Variants in MCU observed in about 807,000 individuals in gnomAD.
MCU encodes mitochondrial calcium uniporter, also known as calcium uniporter protein, mitochondrial.
Under a neutral mutation model 45.2 loss-of-function variants are expected in MCU, and 12 were observed. The observed-to-expected ratio is 0.27, with a 90% confidence interval of 0.17 to 0.43. MCU has a LOEUF of 0.43. Ranked by LOEUF, MCU falls within the 20% of genes least tolerant of loss-of-function variation. The pLI, the probability that MCU is intolerant of heterozygous loss-of-function variation, is 1.00. For synonymous variants in MCU, 160 were observed against 165.1 expected (o/e 0.97, Z 0.24); for missense variants, 324 against 436.7 (o/e 0.74, Z 2.30).
chr10:72,806,687 G>A (rs1235786245), intron 1 of MCU, among the ~76,000 whole-genome samples: 8 of 152,182 alleles, frequency 5.3e-5, no homozygotes, highest in Admixed American at 3.9e-4. Context: ...GAAGTTCCAA[G>A]AATAAAATAA....
At chr10:72,756,712 C>T (rs1228502792) in intron 1 of MCU, 2 of 152,094 alleles carry the variant, frequency 1.3e-5, no homozygotes, top group Non-Finnish European at 2.9e-5. Flanking sequence ...TAGTGTTTGC[C>T]ATCTATTTTG....
At chr10:72,773,018 C>T (rs543431566) in intron 1 of MCU, among the ~76,000 whole-genome samples, 5 of 152,258 alleles carry the variant, frequency 3.3e-5, no homozygotes, top group African/African-American at 1.2e-4. Flanking sequence ...CTCACCTCAG[C>T]TTCCTTAGTA....
chr10:72,773,216 A>G (rs1322575543), intron 1 of MCU, among the ~76,000 whole-genome samples: 1 of 152,204 alleles, frequency 6.6e-6, no homozygotes, highest in African/African-American at 2.4e-5. Flanking sequence ...AATTTTAAGG[A>G]AACTGAGTGA....
intron 1 of MCU, among the ~76,000 whole-genome samples, chr10:72,820,691 T>C (rs1380592492): frequency 1.3e-5 from 2 of 152,122 alleles, no homozygotes; most frequent in Non-Finnish European, 2.9e-5. Flanking sequence ...TTTGTATTTT[T>C]AGTAGGGACG....
At chr10:72,883,560 A>G (rs1315349590) in intron 6 of MCU, among the ~76,000 whole-genome samples, 1 of 152,180 alleles carries the variant, frequency 6.6e-6, no homozygotes. Context: ...CACTGCTTAC[A>G]TTTGAACACA....
rs1845341269 is a variant in MCU, at chr10:72,859,317, G to A, written c.361G>A (p.Gly121Arg). Residue 121 changes from glycine to arginine, a missense_variant, in exon 3 of 8, where the codon GGA becomes AGA. Gly to Arg is a moderately radical substitution (Grantham distance 125, BLOSUM62 -2). This residue lies in a region of MCU where 135 missense variants were observed against 207.3 expected (regional missense o/e 0.65). Transcript: ENST00000373053. ...ACGACAACTGCAAGAAGAGGATCGG[G>A]GAATTGACAGAGTTGCTATCTATTC... ...FLRQLQEEDR[G>R]IDRVAIYSPD... 2.5e-6 allele frequency: 4 copies of A among 1,612,726 alleles called. No individual in the cohort carries two copies. Among genetic ancestry groups the A allele is most frequent in the Non-Finnish European group, 3.4e-6 (4 of 1,179,518 alleles).
intron 6 of MCU, among the ~76,000 whole-genome samples, chr10:72,873,220 G>A (rs867627132): frequency 7.3e-5 from 11 of 151,500 alleles, no homozygotes; most frequent in South Asian, 2.1e-4. Flanking sequence ...GGGTTTCACC[G>A]TCTTAGCCAG....
At chr10:72,794,643 T>G (rs920211508) in intron 1 of MCU, among the ~76,000 whole-genome samples, 1 of 152,242 alleles carries the variant, frequency 6.6e-6, no homozygotes, top group African/African-American at 2.4e-5. Flanking sequence ...GAATTTCTTA[T>G]GAATCAGTTT....
chr10:72,868,856 TG>T lies in MCU; in HGVS notation c.652del (p.Glu218LysfsTer49). ...LEDLKEQLAPLEKVRIEISRK... is the reference protein window; with the variant it reads ...LEDLKEQLAPXEKVRIEISRK... Reference sequence around the variant, plus strand: ...GATCTCAAAGAGCAGCTGGCTCCCCTGGAAAAGGTAAAACTTCCAATCTCAG... The same window carrying T: ...GATCTCAAAGAGCAGCTGGCTCCCCTGAAAAGGTAAAACTTCCAATCTCAG... On this transcript the variant is annotated frameshift_variant, in exon 5 of 8. Transcript: ENST00000373053. The T allele has an allele frequency of 6.2e-7, 1 of 1,612,894 alleles. No individual in the cohort carries two copies. Among genetic ancestry groups the T allele is most frequent in the Non-Finnish European group, 8.5e-7 (1 of 1,179,628 alleles).
intron 1 of MCU, among the ~76,000 whole-genome samples, chr10:72,804,891 C>A (rs1844406982): frequency 6.6e-6 from 1 of 152,200 alleles, no homozygotes. Context: ...GCCACCTCAG[C>A]CTTCCAAGTA....
chr10:72,770,932 C>T (rs1026323188), intron 1 of MCU, among the ~76,000 whole-genome samples: 2 of 151,626 alleles, frequency 1.3e-5, no homozygotes, highest in African/African-American at 2.4e-5. Flanking sequence ...AATTACTTTT[C>T]GGGGTCATGT....
intron 1 of MCU, among the ~76,000 whole-genome samples, chr10:72,696,463 T>C (rs1379855997): frequency 1.3e-5 from 2 of 152,108 alleles, no homozygotes; most frequent in African/African-American, 4.8e-5. Context: ...TCTAAATGTG[T>C]AGAGAAAAAA....
At chr10:72,744,933 GGTT>G (rs1843393061) in intron 1 of MCU, among the ~76,000 whole-genome samples, 1 of 152,076 alleles carries the variant, frequency 6.6e-6, no homozygotes, top group African/African-American at 2.4e-5. Flanking sequence ...ATAAGATAGA[GGTT>G]TTTGTTTTTG....
intron 1 of MCU, among the ~76,000 whole-genome samples, chr10:72,705,643 C>T (rs182626461): frequency 3.3e-5 from 5 of 152,088 alleles, no homozygotes; most frequent in Admixed American, 1.3e-4. Flanking sequence ...CATGGAGAAA[C>T]CCCATCTCTA....
chr10:72,817,186 A>G (rs1241736656), intron 1 of MCU, among the ~76,000 whole-genome samples: 1 of 152,174 alleles, frequency 6.6e-6, no homozygotes, highest in Non-Finnish European at 1.5e-5. Context: ...GTATATTTCA[A>G]GTAGAGTAAT....
At chr10:72,787,404 G>T (rs1050418087) in intron 1 of MCU, among the ~76,000 whole-genome samples, 1 of 152,162 alleles carries the variant, frequency 6.6e-6, no homozygotes, top group African/African-American at 2.4e-5. Flanking sequence ...GAGTAGCTGG[G>T]ATTACAGGTG....
intron 6 of MCU, among the ~76,000 whole-genome samples, chr10:72,872,027 A>G (rs1422875394): frequency 2.0e-5 from 3 of 152,164 alleles, no homozygotes; most frequent in Non-Finnish European, 4.4e-5. Flanking sequence ...AAACTCAGAA[A>G]TCCTCCTAAG....
chr10:72,818,225 G>A (rs1456334808), intron 1 of MCU, among the ~76,000 whole-genome samples: 2 of 152,316 alleles, frequency 1.3e-5, no homozygotes, highest in Admixed American at 6.5e-5. Context: ...AGATTTTCAT[G>A]TGCTTCAAAG....
At chr10:72,819,296 AGAG>A (rs1189333392) in intron 1 of MCU, among the ~76,000 whole-genome samples, 1 of 152,230 alleles carries the variant, frequency 6.6e-6, no homozygotes, top group Non-Finnish European at 1.5e-5. Flanking sequence ...GGCAGGTAGA[AGAG>A]AAAGAAGAGG....
Sources: allele counts gnomAD v4.1 joint callset (sites outside exome capture counted in the v4.1 genomes callset), GRCh38; gene constraint gnomAD v4.1.1; regional missense constraint gnomAD v4.1.1; transcripts MANE v1.5; gene names NCBI Gene and HGNC (gene_info 2026-07-23, HGNC 2026-07-21).